Variants in NCAM1 observed in about 807,000 individuals in gnomAD.
NCAM1 encodes neural cell adhesion molecule 1, also known as antigen recognized by monoclonal antibody 5.1H11.
In NCAM1, 14 loss-of-function variants were observed where a neutral mutation model predicts 109.8. The ratio of observed to expected loss-of-function variants is 0.13; its 90% CI spans 0.08 to 0.20. NCAM1 has a LOEUF of 0.20. Among genes scored for constraint, NCAM1 ranks in the 10% least tolerant of loss-of-function variants. NCAM1 has a pLI of 1.00. For missense variants in NCAM1, 774 were observed against 1,109.9 expected, an observed-to-expected ratio of 0.70 and a Z score of 4.30; for synonymous variants, 418 against 442.9, an observed-to-expected ratio of 0.94 and a Z score of 0.70.
At chr11:113,095,938 A>C (rs1308570745) in intron 1 of NCAM1, among the ~76,000 whole-genome samples, 1 of 152,236 alleles carries the variant, frequency 6.6e-6, no homozygotes, top group African/African-American at 2.4e-5. Flanking sequence ...GGATTAAATA[A>C]AATGACGTAA....
chr11:113,191,912 A>G (rs1943689786), intron 1 of NCAM1, among the ~76,000 whole-genome samples: 1 of 152,226 alleles, frequency 6.6e-6, no homozygotes, highest in South Asian at 2.1e-4. Flanking sequence ...TAAAGCAATG[A>G]ACACATAAGG....
chr11:113,233,392 G>A lies in NCAM1; in HGVS notation c.1693+75G>A. ...CTCAGATGTCCCCACCTGCCATCCT[G>A]GGCATGTTCCTACAGAATCAGGAAC... On this transcript the variant is annotated intron_variant, in intron 13 of 19. Coordinates refer to ENST00000316851, the MANE Select transcript of NCAM1 (RefSeq NM_181351.5). This position sits in a 1 kb window ranked among gnomAD's most constrained non-coding sequence, Gnocchi z 4.5. 1 of 1,456,352 alleles carries A rather than the reference G, an allele frequency of 6.9e-7. No individual in the cohort carries two copies. Among genetic ancestry groups the A allele is most frequent in the Non-Finnish European group, 9.3e-7 (1 of 1,071,040 alleles). 90.2% of individuals were successfully genotyped at this position (1,456,352 alleles called of 1,614,324 possible).
chr11:113,062,048 G>A (rs949141492), intron 1 of NCAM1, among the ~76,000 whole-genome samples: 3 of 152,200 alleles, frequency 2.0e-5, no homozygotes, highest in African/African-American at 7.2e-5. Flanking sequence ...CATCTGCCTG[G>A]AAGGTGGGGG....
rs1946404622 is a variant in NCAM1, at chr11:113,276,733, CAAAA to C, written c.*1347_*1350del. 7.5e-6 allele frequency: 1 copy of C among 133,834 alleles called. No homozygotes were observed. The highest frequency in any genetic ancestry group is 2.4e-4 in the South Asian group (1 of 4,106). 8.3% of individuals were successfully genotyped at this position (133,834 alleles called of 1,614,324 possible). A position where few individuals can be genotyped will look rare whatever the true frequency, so the allele number is the denominator to read the frequency against. ...TTCACTTAGGCAGCATTTATAGAAACAAAAGAAGAAAGAAACAACCTACTGTCTG... is the reference window on the plus strand; with the variant it reads ...TTCACTTAGGCAGCATTTATAGAAACGAAGAAAGAAACAACCTACTGTCTG... On this transcript the variant is annotated 3_prime_UTR_variant, in exon 20 of 20. Transcript: ENST00000316851.
chr11:113,252,500 A>G (rs1477850600), intron 15 of NCAM1, among the ~76,000 whole-genome samples: 1 of 151,294 alleles, frequency 6.6e-6, no homozygotes, highest in East Asian at 1.9e-4. Context: ...TAGTTTTTTC[A>G]TTTGGCAAAC....
intron 17 of NCAM1, among the ~76,000 whole-genome samples, chr11:113,261,529 C>G (rs1162805001): frequency 6.6e-6 from 1 of 152,086 alleles, no homozygotes; most frequent in African/African-American, 2.4e-5. Context: ...TCTCCACAGT[C>G]GCTGGTCAGA....
intron 1 of NCAM1, among the ~76,000 whole-genome samples, chr11:113,078,203 C>T (rs539404110): frequency 3.8e-4 from 58 of 152,198 alleles, no homozygotes; most frequent in Middle Eastern, 3.4e-3. Flanking sequence ...CTGATGGCTC[C>T]GAGAGTTCCT....
At position 113,132,604 on chromosome 11, in the gene NCAM1, A is replaced by ATGTGTGTGTGTGTGTG. The variant is rs71060290; in HGVS notation, c.53-69743_53-69728dup. 2.4e-3 allele frequency among the ~76,000 whole-genome samples: 310 copies of ATGTGTGTGTGTGTGTG among 130,386 alleles called. 6 individuals are homozygous for ATGTGTGTGTGTGTGTG. Among genetic ancestry groups the ATGTGTGTGTGTGTGTG allele is most frequent in the African/African-American group, 9.2e-3 (296 of 32,120 alleles). 85.5% of individuals were successfully genotyped at this position (130,386 alleles called of 152,430 possible). On this transcript the variant is annotated intron_variant, in intron 1 of 19. Coordinates refer to ENST00000316851, the MANE Select transcript of NCAM1 (RefSeq NM_181351.5). The stretch of plus-strand genomic sequence containing the variant: ...TGGGATCAGGCATATATTAGGAAGC[A>ATGTGTGTGTGTGTGTG]TGTGTGTGTGTGTGTGTGTGTGTGT...
chr11:113,255,794 A>C, intron 15 of NCAM1, 83 bp from the exon 16 acceptor site: 1 of 1,496,662 alleles, frequency 6.7e-7, no homozygotes, highest in Non-Finnish European at 9.2e-7. Context: ...GTCCAGCCCC[A>C]CCCTGTCACT....
In NCAM1 at chr11:113,260,434, C is replaced by T. The variant is rs1945957899; in HGVS notation, c.2131+111C>T. The T allele has an allele frequency of 3.3e-6, 4 of 1,206,372 alleles. No individual in the cohort carries two copies. The Admixed American group carries it at 9.9e-5, about 30-fold the overall frequency. The allele number at this position is 1,206,372 out of a possible 1,614,324, so 74.7% of individuals were successfully genotyped here. On this transcript the variant is annotated intron_variant, in intron 17 of 19. Coordinates refer to ENST00000316851, the MANE Select transcript of NCAM1 (RefSeq NM_181351.5). ...CAACTTGCTTGCTTACAGCCATCCT[C>T]ATGATTGGTTGCCCATGCAAAGCTT...
chr11:113,088,502 C>T (rs1001664759), intron 1 of NCAM1, among the ~76,000 whole-genome samples: 5 of 150,862 alleles, frequency 3.3e-5, no homozygotes, highest in Admixed American at 1.3e-4. Context: ...CATGTATCCC[C>T]GCTGCCCCTG....
intron 1 of NCAM1, among the ~76,000 whole-genome samples, chr11:113,138,106 A>G (rs1398001620): frequency 6.6e-6 from 1 of 152,204 alleles, no homozygotes; most frequent in Non-Finnish European, 1.5e-5. Flanking sequence ...GAGCAGAGAA[A>G]GCCACTGTTG....
At chr11:113,205,794 G>A in intron 4 of NCAM1, 128 bp downstream of exon 4, 1 of 1,336,998 alleles carries the variant, frequency 7.5e-7, no homozygotes, top group Non-Finnish European at 1.0e-6. Context: ...TGTGGTTTCT[G>A]GGTCCTGAAT....
chr11:113,011,964 TTTCCTTCCTTCCTTCCTTCCTTCC>T (rs200929273), intron 1 of NCAM1, among the ~76,000 whole-genome samples: 6 of 114,060 alleles, frequency 5.3e-5, no homozygotes, highest in South Asian at 3.0e-4. Context: ...CCTTCTCTCC[TTTCCTTCCTTCCTTCCTTCCTTCC>T]TTCCTTCCTT....
At chr11:113,172,136 C>T (rs976879107) in intron 1 of NCAM1, among the ~76,000 whole-genome samples, 6 of 152,164 alleles carry the variant, frequency 3.9e-5, no homozygotes, top group Non-Finnish European at 8.8e-5. Flanking sequence ...TTTCTCTTTA[C>T]CCTGCTCAGT....
intron 15 of NCAM1, among the ~76,000 whole-genome samples, chr11:113,252,637 TATTTC>T (rs1458994809): frequency 6.6e-6 from 1 of 151,744 alleles, no homozygotes; most frequent in Non-Finnish European, 1.5e-5. Context: ...ACCTAAATAT[TATTTC>T]ATTTTATTTT....
intron 1 of NCAM1, among the ~76,000 whole-genome samples, chr11:113,187,543 G>C (rs936819506): frequency 7.9e-6 from 1 of 127,024 alleles, no homozygotes; most frequent in Admixed American, 8.9e-5. Flanking sequence ...CTGAGGATCT[G>C]TGTGTGTGTG....
intron 1 of NCAM1, among the ~76,000 whole-genome samples, chr11:113,166,552 T>C (rs1942805358): frequency 6.6e-6 from 1 of 152,202 alleles, no homozygotes; most frequent in African/African-American, 2.4e-5. Flanking sequence ...ATTGATGTGA[T>C]ATGAATATGA....
chr11:113,041,261 G>A (rs1415492299), intron 1 of NCAM1: 3 of 152,008 alleles, frequency 2.0e-5, no homozygotes, highest in Non-Finnish European at 2.9e-5. Flanking sequence ...ACCCATACAC[G>A]CCTTTATGTT....
Sources: allele counts gnomAD v4.1 joint callset (sites outside exome capture counted in the v4.1 genomes callset), GRCh38; gene constraint gnomAD v4.1.1; non-coding constraint Gnocchi (gnomAD v3.1); transcripts MANE v1.5; gene names NCBI Gene and HGNC (gene_info 2026-07-23, HGNC 2026-07-21).